Variants in C2orf81 observed in about 807,000 individuals in gnomAD.
The protein encoded by C2orf81 is uncharacterized protein C2orf81.
A neutral mutation model predicts 7.9 loss-of-function variants in C2orf81; 5 were observed. That is an observed-to-expected ratio of 0.63 (90% CI 0.33 to 1.33). The LOEUF is 1.33. Among genes scored for constraint, C2orf81 ranks in the 40% most tolerant of loss-of-function variants. The pLI is 0.05. For synonymous variants in C2orf81, 346 were observed against 367.4 expected, an observed-to-expected ratio of 0.94 and a Z score of 0.66; for missense variants, 781 against 830.4, an observed-to-expected ratio of 0.94 and a Z score of 0.73.
At chr2:74,417,751 T>C (rs138457055) in intron 1 of C2orf81, 8,392 of 521,750 alleles carry the variant, frequency 0.016, 93 homozygotes, top group Non-Finnish European at 0.022. Flanking sequence ...GAGGCAACAG[T>C]GGAGGAGCAG....
At position 74,414,906 on chromosome 2, in the gene C2orf81, C is replaced by A; in HGVS notation, c.1271G>T (p.Gly424Val). Residue 424 changes from glycine to valine, a missense_variant, in exon 3 of 3, where the codon GGC becomes GTC. Coordinates refer to ENST00000684111, the MANE Select transcript of C2orf81 (RefSeq NM_001316764.3). This position sits in a 1 kb window ranked among gnomAD's most constrained non-coding sequence, Gnocchi z 5.3. ...TKARAEPQAL[G>V]PGTRVSPAAF... ...TGCCGGGGAGACACGGGTGCCGGGG[C>A]CGAGGGCTTGGGGTTCGGCCCGGGC... is the stretch of plus-strand genomic sequence containing the variant. The A allele has an allele frequency of 6.5e-7, 1 of 1,544,866 alleles. No homozygotes were observed. The highest frequency in any genetic ancestry group is 8.7e-7 in the Non-Finnish European group (1 of 1,142,870).
At position 74,414,251 on chromosome 2, in the gene C2orf81, G is replaced by A. The variant is rs912440494; in HGVS notation, c.*78C>T. 26 of 1,346,220 alleles carry A rather than the reference G, an allele frequency of 1.9e-5. No individual in the cohort carries two copies. The highest frequency in any genetic ancestry group is 2.4e-5 in the Non-Finnish European group (25 of 1,034,158). 83.4% of individuals were successfully genotyped at this position (1,346,220 alleles called of 1,614,324 possible). A position where few individuals can be genotyped will look rare whatever the true frequency, so the allele number is the denominator to read the frequency against. On this transcript the variant is annotated 3_prime_UTR_variant, in exon 3 of 3. Transcript: ENST00000684111. This position sits in a 1 kb window ranked among gnomAD's most constrained non-coding sequence, Gnocchi z 5.3. Reference sequence around the variant, plus strand: ...ACCAGTTACTACTGCCAGAGGCTCAGGGATCAGAGGGAGGCAGCAGGCTTA... The same window carrying A: ...ACCAGTTACTACTGCCAGAGGCTCAAGGATCAGAGGGAGGCAGCAGGCTTA...
rs1449463408 is a variant in C2orf81, at chr2:74,415,170, GGGTAGGACACCAACACGCCCGAGGCGAT to G, written c.979_1006del (p.Ile327ProfsTer25). ...GGGGCGGGTGGCGCCGCCCACAGAG[GGGTAGGACACCAACACGCCCGAGGCGAT>G]GCAGGGCACCCCCTCTGACCTGAGT... is the stretch of plus-strand genomic sequence containing the variant. On this transcript the variant is annotated frameshift_variant, in exon 3 of 3. Coordinates refer to ENST00000684111, the MANE Select transcript of C2orf81 (RefSeq NM_001316764.3). LOFTEE classifies it low-confidence loss of function (END_TRUNC). The surrounding 1 kb of genome is among the most constrained non-coding windows in gnomAD (Gnocchi z 5.5). 1 of 1,544,556 alleles carries G rather than the reference GGGTAGGACACCAACACGCCCGAGGCGAT, an allele frequency of 6.5e-7. No individual in the cohort carries two copies. The highest frequency in any genetic ancestry group is 8.7e-7 in the Non-Finnish European group (1 of 1,144,016).
In C2orf81 at chr2:74,414,987, G is replaced by A; in HGVS notation, c.1190C>T (p.Ser397Phe). 1 of 1,548,998 alleles carries A rather than the reference G, an allele frequency of 6.5e-7. No individual in the cohort carries two copies. The part of the protein sequence containing the change: ...RPLAEVLVPD[S>F]QTRPLEAYRG... Reference sequence around the variant, plus strand: ...GTAGGCTTCCAAGGGGCGTGTTTGAGAGTCTGGGACCAGGACCTCAGCCAG... The same window carrying A: ...GTAGGCTTCCAAGGGGCGTGTTTGAAAGTCTGGGACCAGGACCTCAGCCAG... Residue 397 changes from serine (S) to phenylalanine (F), a missense_variant, in exon 3 of 3, where the codon TCT becomes TTT. Ser to Phe is a radical substitution (Grantham distance 155). Coordinates refer to ENST00000684111, the MANE Select transcript of C2orf81 (RefSeq NM_001316764.3). The surrounding 1 kb of genome is among the most constrained non-coding windows in gnomAD (Gnocchi z 5.3).
At position 74,415,422 on chromosome 2, in the gene C2orf81, G is replaced by A. The variant is rs1444559835; in HGVS notation, c.755C>T (p.Ser252Leu). Reference sequence around the variant, plus strand: ...GAAGCTCGCGCTCAAGGACCCGGCCGAGGAGAGGCCTCTAGACTGGCCGTC... The same window carrying A: ...GAAGCTCGCGCTCAAGGACCCGGCCAAGGAGAGGCCTCTAGACTGGCCGTC... ...EADGQSRGLS[S>L]AGSLSASFQL... is the part of the protein sequence containing the mutation. Residue 252 changes from serine to leucine, a missense_variant, in exon 3 of 3, where the codon TCG becomes TTG. Ser to Leu is a moderately radical substitution (Grantham distance 145). Transcript: ENST00000684111. This position sits in a 1 kb window ranked among gnomAD's most constrained non-coding sequence, Gnocchi z 5.5. 1.3e-6 allele frequency: 2 copies of A among 1,532,080 alleles called. No individual in the cohort carries two copies. Among genetic ancestry groups the A allele is most frequent in the Non-Finnish European group, 1.8e-6 (2 of 1,134,220 alleles). The allele number at this position is 1,532,080 out of a possible 1,614,324, so 94.9% of individuals were successfully genotyped here. A position where few individuals can be genotyped will look rare whatever the true frequency, so the allele number is the denominator to read the frequency against.
In C2orf81 at chr2:74,415,335, A is replaced by G; in HGVS notation, c.842T>C (p.Val281Ala). Reference protein sequence around the residue: ...DADPSLDPYLVASPQASTGRG... With the variant: ...DADPSLDPYLAASPQASTGRG... ...CCCAGTTGAGGCCTGGGGGCTGGCT[A>G]CCAGGTACGGATCCAGAGAAGGGTC... Residue 281 changes from valine to alanine, a missense_variant, in exon 3 of 3, where the codon GTA becomes GCA. By Grantham distance (64) the Val-to-Ala change is moderately conservative. Coordinates refer to ENST00000684111, the MANE Select transcript of C2orf81 (RefSeq NM_001316764.3). This position sits in a 1 kb window ranked among gnomAD's most constrained non-coding sequence, Gnocchi z 5.5. 1 of 1,536,908 alleles carries G rather than the reference A, an allele frequency of 6.5e-7. No individual in the cohort carries two copies.
chr2:74,418,631 T>G, intron 1 of C2orf81: 1 of 587,116 alleles, frequency 1.7e-6, no homozygotes, highest in South Asian at 2.0e-5. Flanking sequence ...GCGCCAGAAA[T>G]AGCCCAGGCT....
chr2:74,418,516 T>C (rs1187978866), intron 1 of C2orf81: 6 of 936,520 alleles, frequency 6.4e-6, no homozygotes, highest in Admixed American at 5.9e-5. Flanking sequence ...CTGCGGTGCA[T>C]GCTCCGGTTT....
At chr2:74,416,319 C>T (rs1334455461) in intron 1 of C2orf81, 78 bp from the exon 2 acceptor site, 1 of 1,079,042 alleles carries the variant, frequency 9.3e-7, no homozygotes, top group Non-Finnish European at 1.2e-6. Flanking sequence ...TAGGAGGAAG[C>T]TTTCTCAAGT....
chr2:74,416,770 C>T (rs1676481611), intron 1 of C2orf81, among the ~76,000 whole-genome samples: 1 of 152,058 alleles, frequency 6.6e-6, no homozygotes, highest in African/African-American at 2.4e-5. Context: ...ATTCAGTAAA[C>T]AGTCCTGGAA....
At chr2:74,417,653 A>G in intron 1 of C2orf81, 2 of 765,840 alleles carry the variant, frequency 2.6e-6, no homozygotes, top group South Asian at 3.5e-5. Flanking sequence ...TGCTGCTGCC[A>G]GGACAGTGGA....
rs1316244495 is a variant in C2orf81 at position 74,415,243 on chromosome 2, C to G, written c.934G>C (p.Ala312Pro). 3 of 1,551,232 alleles carry G rather than the reference C, an allele frequency of 1.9e-6. No homozygotes were observed. The Admixed American group carries it at 5.9e-5, about 30-fold the overall frequency. Residue 312 changes from alanine (A) to proline (P), a missense_variant, in exon 3 of 3, where the codon GCG becomes CCG. Physicochemically the swap from Ala to Pro is conservative, Grantham distance 27. Coordinates refer to ENST00000684111, the MANE Select transcript of C2orf81 (RefSeq NM_001316764.3). The surrounding 1 kb of genome is among the most constrained non-coding windows in gnomAD (Gnocchi z 5.5). ...DLYCCMPQLD[A>P]AGDRLELRSE... ...CTGAGTTCCAGCCGATCCCCAGCCG[C>G]GTCCAGTTGAGGCATGCAACAGTAG...
rs372848966 is a variant in C2orf81, at chr2:74,417,510, A to G, written c.19-1269T>C. 4.4e-5 allele frequency: 53 copies of G among 1,211,048 alleles called. No homozygotes were observed. The East Asian group carries it at 5.0e-4, about 11-fold the overall frequency. 75.0% of individuals were successfully genotyped at this position (1,211,048 alleles called of 1,614,324 possible). On this transcript the variant is annotated intron_variant, in intron 1 of 2. Coordinates refer to ENST00000684111, the MANE Select transcript of C2orf81 (RefSeq NM_001316764.3). ...CACCCCTCCCGCTTTCCTGTAGCCA[A>G]TGGGGGCTGTCCAACCTAGTGCAGG...
intron 1 of C2orf81, among the ~76,000 whole-genome samples, chr2:74,417,049 G>C (rs1676488037): frequency 6.6e-6 from 1 of 152,194 alleles, no homozygotes; most frequent in South Asian, 2.1e-4. Flanking sequence ...TCTCCACGAA[G>C]AGTAACCTGG....
chr2:74,419,168 G>A (rs1017912690), intron 1 of C2orf81, among the ~76,000 whole-genome samples: 7 of 150,938 alleles, frequency 4.6e-5, no homozygotes, highest in East Asian at 1.9e-4. Flanking sequence ...GTGACAGAGC[G>A]AGACTCTGTC....
intron 1 of C2orf81, chr2:74,418,080 G>A (rs1287372181): frequency 6.5e-6 from 4 of 613,604 alleles, no homozygotes; most frequent in African/African-American, 2.0e-5. Flanking sequence ...TGGGAGGTGG[G>A]GGGTTGGGAG....
At position 74,421,579 on chromosome 2, in the gene C2orf81, A is replaced by G. The variant is rs2103847469; in HGVS notation, c.-19T>C. The G allele has an allele frequency of 2.4e-6, 1 of 416,598 alleles. No individual in the cohort carries two copies. The highest frequency in any genetic ancestry group is 3.6e-5 in the East Asian group (1 of 27,918). The allele number at this position is 416,598 out of a possible 1,614,324, so 25.8% of individuals were successfully genotyped here. The stretch of plus-strand genomic sequence containing the variant: ...GCGCCATCGCCAACGCGGTCGCAGC[A>G]ACGCTGGTGTTTCTGCTGCATCCGG... On this transcript the variant is annotated 5_prime_UTR_variant, in exon 1 of 3. Transcript: ENST00000684111.
intron 1 of C2orf81, chr2:74,418,155 C>G: frequency 2.0e-6 from 2 of 979,396 alleles, no homozygotes; most frequent in Non-Finnish European, 3.2e-6. Flanking sequence ...GCGAGATGCC[C>G]TTCTCTTCCT....
At chr2:74,418,146 C>T (rs1676515670) in intron 1 of C2orf81, 4 of 916,060 alleles carry the variant, frequency 4.4e-6, no homozygotes, top group South Asian at 1.4e-5. Flanking sequence ...AGGACTCCTG[C>T]GAGATGCCCT....
Sources: gnomAD v4.1 joint callset for allele counts (sites outside exome capture counted in the v4.1 genomes callset) on GRCh38, gnomAD v4.1.1 for gene constraint, Gnocchi (gnomAD v3.1) non-coding constraint, MANE v1.5 for transcripts, NCBI Gene and HGNC (gene_info 2026-07-23, HGNC 2026-07-21) for gene names.